Variants in KMT2C observed in about 807,000 individuals in gnomAD.
KMT2C encodes histone-lysine N-methyltransferase 2C.
Under a neutral mutation model 507.9 loss-of-function variants are expected in KMT2C, and 88 were observed. The ratio of observed to expected loss-of-function variants is 0.17; its 90% confidence interval spans 0.15 to 0.21. The LOEUF (loss-of-function observed/expected upper bound fraction) is 0.21. Ranked by LOEUF, KMT2C falls within the 10% of genes least tolerant of loss-of-function variation. The pLI, the probability that KMT2C is intolerant of heterozygous loss-of-function variation, is 1.00. For synonymous variants in KMT2C, 2,049 were observed against 2,080.8 expected (o/e 0.98, Z 0.42); for missense variants, 4,954 against 5,957.8 (o/e 0.83, Z 5.55).
intron 23 of KMT2C, 90 bp downstream of exon 23, chr7:152,220,433 C>T: frequency 3.9e-6 from 4 of 1,018,686 alleles, no homozygotes; most frequent in South Asian, 1.5e-5. Flanking sequence ...GTGTGATTTA[C>T]CCTTTGGTAA....
rs776439533 is a variant in KMT2C at position 152,177,740 on chromosome 7, C to T, written c.7713G>A (p.Arg2571=). The T allele has an allele frequency of 2.0e-5, 33 of 1,614,054 alleles. No individual in the cohort carries two copies. Among genetic ancestry groups the T allele is most frequent in the Non-Finnish European group, 2.6e-5 (31 of 1,180,002 alleles). ...TGCCAGGTGGAGCACTGAAAGGCAG[C>T]CGTTGCCTTCCGTCAGGAGCCCTAT... is the stretch of plus-strand genomic sequence containing the variant. The part of the protein sequence containing the change: ...LRHRAPDGRQ[R]LPFSAPPGSV... Residue 2571 remains arginine (R), a synonymous_variant, in exon 38 of 59, where the codon CGG becomes CGA. Coordinates refer to ENST00000262189, the MANE Select transcript of KMT2C (RefSeq NM_170606.3).
In KMT2C at chr7:152,181,257, A is replaced by C; in HGVS notation, c.6603T>G (p.Asp2201Glu). The change falls in exon 36 of 59, where the codon GAT becomes GAG. Residue 2201 changes from aspartate (D) to glutamate (E), a missense_variant. Physicochemically the swap from Asp to Glu is conservative, Grantham distance 45 (BLOSUM62 2). Around this residue, in one of 29 missense-constraint regions of KMT2C, gnomAD observed 1,689 missense variants for 1,654.3 expected, o/e 1.02. Transcript: ENST00000262189. ...VTPVTNQRHSDPYAHPPGTPR... is the reference protein window; with the variant it reads ...VTPVTNQRHSEPYAHPPGTPR... ...GTGTTCCAGGAGGATGAGCATATGG[A>C]TCAGAATGCCTCTGATTTGTTACAG... 5.0e-6 allele frequency: 8 copies of C among 1,614,014 alleles called. No individual in the cohort carries two copies. The highest frequency in any genetic ancestry group is 5.9e-6 in the Non-Finnish European group (7 of 1,179,998).
intron 1 of KMT2C, among the ~76,000 whole-genome samples, chr7:152,364,865 G>C (rs980474689): frequency 2.6e-5 from 4 of 151,430 alleles, no homozygotes; most frequent in African/African-American, 9.7e-5. Flanking sequence ...GAAATAATTA[G>C]CTGTAAATTT....
chr7:152,240,074 A>G (rs1295904170), intron 14 of KMT2C, among the ~76,000 whole-genome samples: 4 of 152,164 alleles, frequency 2.6e-5, no homozygotes, highest in Admixed American at 6.5e-5. Context: ...TCTCTCCAGC[A>G]AACACTTTAT....
chr7:152,340,912 G>GT (rs1420637967), intron 2 of KMT2C, among the ~76,000 whole-genome samples: 2 of 152,032 alleles, frequency 1.3e-5, no homozygotes, highest in Non-Finnish European at 2.9e-5. Context: ...AAAAAAAATA[G>GT]TAACTGTTGG....
intron 43 of KMT2C, among the ~76,000 whole-genome samples, chr7:152,160,364 G>A (rs1362319061): frequency 6.6e-6 from 1 of 151,902 alleles, no homozygotes; most frequent in African/African-American, 2.4e-5. Context: ...TACCGGGGCT[G>A]GAGCCCAGCA....
intron 23 of KMT2C, among the ~76,000 whole-genome samples, chr7:152,208,339 GATTT>G (rs1358769945): frequency 6.6e-6 from 1 of 152,016 alleles, no homozygotes; most frequent in Non-Finnish European, 1.5e-5. Context: ...TATCTTTCAG[GATTT>G]ATTCTAAACT....
chr7:152,297,051 A>AAGAAAGACAGACAGAC (rs1356233143), intron 6 of KMT2C, among the ~76,000 whole-genome samples: 7 of 60,240 alleles, frequency 1.2e-4, no homozygotes, highest in African/African-American at 3.4e-4. Flanking sequence ...GAAAGAAAGA[A>AAGAAAGACAGACAGAC]AGACAGAGAG....
chr7:152,160,309 G>C (rs1460192461), intron 43 of KMT2C, among the ~76,000 whole-genome samples: 1 of 152,152 alleles, frequency 6.6e-6, no homozygotes, highest in Non-Finnish European at 1.5e-5. Context: ...AGCTGGTCTA[G>C]AAATGCAGAT....
At chr7:152,265,936 T>G (rs1248746131) in intron 7 of KMT2C, among the ~76,000 whole-genome samples, 1 of 152,290 alleles carries the variant, frequency 6.6e-6, no homozygotes, top group African/African-American at 2.4e-5. Flanking sequence ...TCTTTTACCA[T>G]ATAAAACAGA....
intron 20 of KMT2C, among the ~76,000 whole-genome samples, chr7:152,223,619 C>A (rs1006508380): frequency 3.3e-5 from 5 of 151,966 alleles, no homozygotes; most frequent in Non-Finnish European, 7.4e-5. Flanking sequence ...CATGGTGAAA[C>A]CCTGTCTCTA....
intron 12 of KMT2C, among the ~76,000 whole-genome samples, 162 bp downstream of exon 12, chr7:152,250,691 G>A (rs541686941): frequency 4.6e-5 from 7 of 152,028 alleles, no homozygotes; most frequent in Admixed American, 2.6e-4. Flanking sequence ...ACAAATACAC[G>A]CATGTCCTTT....
intron 1 of KMT2C, among the ~76,000 whole-genome samples, chr7:152,431,207 G>T (rs1037095489): frequency 5.9e-5 from 9 of 151,488 alleles, no homozygotes; most frequent in African/African-American, 1.9e-4. Flanking sequence ...ATGTAAATTG[G>T]TAAGTTTACA....
At chr7:152,270,283 T>C (rs1418266362) in intron 7 of KMT2C, among the ~76,000 whole-genome samples, 9 of 152,142 alleles carry the variant, frequency 5.9e-5, no homozygotes, top group African/African-American at 2.2e-4. Flanking sequence ...GCAACAGGAC[T>C]TAATGTCAAG....
chr7:152,170,157 T>C (rs999150932), intron 40 of KMT2C, among the ~76,000 whole-genome samples: 3 of 152,222 alleles, frequency 2.0e-5, no homozygotes, highest in African/African-American at 4.8e-5. Context: ...TTGCCCAAAG[T>C]TGCACAGTAA....
intron 1 of KMT2C, among the ~76,000 whole-genome samples, chr7:152,429,415 AAG>A (rs1225774995): frequency 2.0e-5 from 3 of 152,200 alleles, no homozygotes; most frequent in Admixed American, 2.0e-4. Context: ...AAAGTGCAAA[AAG>A]AGCTGTGTCA....
chr7:152,162,956 C>T lies in KMT2C; in HGVS notation c.10621G>A (p.Gly3541Arg). Residue 3541 changes from glycine (G) to arginine (R), a missense_variant, in exon 43 of 59, where the codon GGG (glycine) becomes AGG (arginine). This residue lies in a region of KMT2C where 801 missense variants were observed against 751.2 expected (regional missense o/e 1.07). Coordinates refer to ENST00000262189, the MANE Select transcript of KMT2C (RefSeq NM_170606.3). ...SVKQGHGNLS[G>R]TSFQQSPVRP... is the part of the protein sequence containing the mutation. ...ACTGGGGACTGCTGGAAGCTGGTCC[C>T]AGAAAGATTTCCATGTCCCTGCTTC... The T allele has an allele frequency of 6.2e-7, 1 of 1,614,124 alleles. No homozygotes were observed. The highest frequency in any genetic ancestry group is 8.5e-7 in the Non-Finnish European group (1 of 1,180,030).
intron 6 of KMT2C, among the ~76,000 whole-genome samples, chr7:152,299,415 T>G (rs539573295): frequency 6.6e-6 from 1 of 151,780 alleles, no homozygotes; most frequent in South Asian, 2.1e-4. Context: ...GCACTCTGGG[T>G]GGCCAAGGCA....
chr7:152,200,958 A>C (rs965615553), intron 26 of KMT2C, among the ~76,000 whole-genome samples: 1 of 152,158 alleles, frequency 6.6e-6, no homozygotes, highest in Non-Finnish European at 1.5e-5. Flanking sequence ...CAAAACTAGA[A>C]TACCAGGTAG....
Sources: gnomAD v4.1 joint callset for allele counts (sites outside exome capture counted in the v4.1 genomes callset) on GRCh38, gnomAD v4.1.1 for gene constraint, gnomAD v4.1.1 regional missense constraint, MANE v1.5 for transcripts, NCBI Gene and HGNC (gene_info 2026-07-23, HGNC 2026-07-21) for gene names.